The following INPP1 variants were observed in gnomAD, a reference collection of about 807,000 sequenced individuals.
INPP1 encodes the protein inositol polyphosphate 1-phosphatase.
INPP1 carries 18 observed loss-of-function variants against 23.0 expected under a neutral mutation model. The observed-to-expected ratio is 0.78, with a 90% confidence interval of 0.54 to 1.16. INPP1 has a LOEUF of 1.16. Among genes scored for constraint, INPP1 ranks in the 50% most tolerant of loss-of-function variants. INPP1 has a pLI of 0.00. For missense variants in INPP1, 448 were observed against 482.1 expected, an observed-to-expected ratio of 0.93 and a Z score of 0.66; for synonymous variants, 164 against 176.3, an observed-to-expected ratio of 0.93 and a Z score of 0.55.
intron 1 of INPP1, among the ~76,000 whole-genome samples, chr2:190,348,635 A>G (rs564250895): frequency 3.7e-4 from 57 of 152,344 alleles, no homozygotes; most frequent in Non-Finnish European, 6.9e-4. Context: ...GTGGAATCAT[A>G]GAGTATTTGT....
intron 2 of INPP1, among the ~76,000 whole-genome samples, chr2:190,351,679 T>G (rs1408085715): frequency 6.6e-6 from 1 of 152,258 alleles, no homozygotes; most frequent in African/African-American, 2.4e-5. Flanking sequence ...AGCATTTCAT[T>G]ACATGAATAT....
intron 2 of INPP1, chr2:190,359,761 T>G: frequency 3.5e-6 from 1 of 288,620 alleles, no homozygotes; most frequent in Non-Finnish European, 6.7e-6. Flanking sequence ...CCTGTCTCTC[T>G]AGGGATTTAG....
Position 190,368,877 on chromosome 2 carries a change from A to G in INPP1, c.467-226A>G, listed in dbSNP as rs1689740333. On this transcript the variant is annotated intron_variant, in intron 5 of 6. Transcript: ENST00000392329. The surrounding 1 kb of genome is among the most constrained non-coding windows in gnomAD (Gnocchi z 4.3). ...TGTTATATACAAATTGCTATGCCAC[A>G]GGAACTATAGACACATCCTCTCCCT... 2 of 345,038 alleles carry G rather than the reference A, an allele frequency of 5.8e-6. No homozygotes were observed. The highest frequency in any genetic ancestry group is 2.1e-5 in the African/African-American group (1 of 47,528). The allele number at this position is 345,038 out of a possible 1,614,324, so 21.4% of individuals were successfully genotyped here. A position where few individuals can be genotyped will look rare whatever the true frequency, so the allele number is the denominator to read the frequency against.
chr2:190,356,043 C>T lies in INPP1; in HGVS notation c.-64-3996C>T, dbSNP rs377193419. 1.3e-5 allele frequency among the ~76,000 whole-genome samples: 2 copies of T among 152,294 alleles called. No homozygotes were observed. The highest frequency in any genetic ancestry group is 2.1e-4 in the South Asian group (1 of 4,828). ...CTGCATTAGATGTAGCCTTCAGTTT[C>T]TCCATAGACAAATTATTTCAAGTTG... On this transcript the variant is annotated intron_variant, in intron 2 of 6. Transcript: ENST00000392329. This position sits in a 1 kb window ranked among gnomAD's most constrained non-coding sequence, Gnocchi z 6.4.
intron 4 of INPP1, 71 bp from the exon 5 acceptor site, chr2:190,366,624 G>GCT (rs1405909110): frequency 7.4e-5 from 79 of 1,062,028 alleles, no homozygotes; most frequent in Admixed American, 2.6e-4. Context: ...TCACTCTTTA[G>GCT]CTCTCTCTCT....
intron 6 of INPP1, among the ~76,000 whole-genome samples, chr2:190,370,102 G>C (rs1333338203): frequency 6.6e-6 from 1 of 152,112 alleles, no homozygotes; most frequent in Admixed American, 6.6e-5. Flanking sequence ...AAATTAAAAA[G>C]AATTGGAACA....
At position 190,369,114 on chromosome 2, in the gene INPP1, C is replaced by A; in HGVS notation, c.478C>A (p.Gln160Lys). The A allele has an allele frequency of 6.4e-7, 1 of 1,568,234 alleles. No individual in the cohort carries two copies. Among genetic ancestry groups the A allele is most frequent in the South Asian group, 1.2e-5 (1 of 83,860 alleles). Residue 160 changes from glutamine (Q) to lysine (K), a missense_variant, in exon 6 of 7, where the codon CAG becomes AAG. Gln to Lys is a moderately conservative substitution (Grantham distance 53). Transcript: ENST00000392329. ...IWVDPIDSTY[Q>K]YIKGSADIKS... Reference sequence around the variant, plus strand: ...GTTTCCTTTTTCAGATTCAACTTATCAGTATATAAAAGGTTCTGCTGACAT... The same window carrying A: ...GTTTCCTTTTTCAGATTCAACTTATAAGTATATAAAAGGTTCTGCTGACAT...
In INPP1 at chr2:190,367,785, C is replaced by T. The variant is rs1207958087; in HGVS notation, c.466+890C>T. Reference sequence around the variant, plus strand: ...TTTACCATGTTTCCCAGGCTGGTCTCGAACTCCTGGGTTCAAGCGATCTGC... The same window carrying T: ...TTTACCATGTTTCCCAGGCTGGTCTTGAACTCCTGGGTTCAAGCGATCTGC... On this transcript the variant is annotated intron_variant, in intron 5 of 6. Coordinates refer to ENST00000392329, the MANE Select transcript of INPP1 (RefSeq NM_001128928.2). The surrounding 1 kb of genome is among the most constrained non-coding windows in gnomAD (Gnocchi z 4.1). Among the ~76,000 whole-genome samples, 3 of 152,120 alleles carry T rather than the reference C, an allele frequency of 2.0e-5. No homozygotes were observed. Among genetic ancestry groups the T allele is most frequent in the East Asian group, 1.9e-4 (1 of 5,188 alleles).
intron 6 of INPP1, 91 bp from the exon 7 acceptor site, chr2:190,370,753 T>A: frequency 1.2e-6 from 1 of 843,178 alleles, no homozygotes; most frequent in Non-Finnish European, 1.9e-6. Flanking sequence ...TGATGAATTG[T>A]GTATTTCTTC....
In INPP1 at chr2:190,346,081, T is replaced by G. The variant is rs1689209261; in HGVS notation, c.-209+2120T>G. On this transcript the variant is annotated intron_variant, in intron 1 of 6. Coordinates refer to ENST00000392329, the MANE Select transcript of INPP1 (RefSeq NM_001128928.2). The surrounding 1 kb of genome is among the most constrained non-coding windows in gnomAD (Gnocchi z 5.1). ...GATGTTGGGTACTGTTTCTCAAACT[T>G]GTCTGATTGTAAAATTCCTCAGGGT... 6.6e-6 allele frequency among the ~76,000 whole-genome samples: 1 copy of G among 152,250 alleles called. No homozygotes were observed. The highest frequency in any genetic ancestry group is 2.1e-4 in the South Asian group (1 of 4,836).
intron 4 of INPP1, among the ~76,000 whole-genome samples, chr2:190,364,133 T>C (rs776458396): frequency 3.3e-5 from 5 of 152,264 alleles, no homozygotes; most frequent in Admixed American, 6.5e-5. Context: ...TTGAATTAAG[T>C]TAATTTAACT....
chr2:190,357,143 C>A (rs1276089443), intron 2 of INPP1, among the ~76,000 whole-genome samples: 1 of 152,104 alleles, frequency 6.6e-6, no homozygotes, highest in African/African-American at 2.4e-5. Context: ...TAGGCAGGTG[C>A]TTTTGTTTGA....
At position 190,366,763 on chromosome 2, in the gene INPP1, A is replaced by T. The variant is rs1382767120; in HGVS notation, c.334A>T (p.Asn112Tyr). The T allele has an allele frequency of 6.2e-7, 1 of 1,613,642 alleles. No individual in the cohort carries two copies. The highest frequency in any genetic ancestry group is 1.3e-5 in the African/African-American group (1 of 75,034). Residue 112 changes from asparagine (N) to tyrosine (Y), a missense_variant, in exon 5 of 7, where the codon AAT becomes TAT. Transcript: ENST00000392329. ...AGCAGAGCTTCTTAGCAAAGTCCTC[A>T]ATGGTAACAAGGTGGCATCTGAAGC... is the stretch of plus-strand genomic sequence containing the variant. The part of the protein sequence containing the change: ...ETAELLSKVL[N>Y]GNKVASEALA...
At chr2:190,365,867 CTCTCTTGCTCTG>C (rs1325975258) in intron 4 of INPP1, among the ~76,000 whole-genome samples, 5 of 21,736 alleles carry the variant, frequency 2.3e-4, no homozygotes, top group Non-Finnish European at 3.9e-4. Context: ...CGCTCTCTGT[CTCTCTTGCTCTG>C]TCTCTCTCTG....
chr2:190,365,780 ACTCTCTCTCTGTCTCTCTTGCTTG>A (rs1689633284), intron 4 of INPP1, among the ~76,000 whole-genome samples: 1 of 150,844 alleles, frequency 6.6e-6, no homozygotes, highest in Non-Finnish European at 1.5e-5. Context: ...TCACTGGCTC[ACTCTCTCTCTGTCTCTCTTGCTTG>A]CTCTCTCGCT....
intron 4 of INPP1, among the ~76,000 whole-genome samples, chr2:190,365,849 GTC>G (rs1010798769): frequency 4.4e-4 from 40 of 91,308 alleles, no homozygotes; most frequent in Admixed American, 4.0e-3. Context: ...TTCTCTCGCT[GTC>G]TCTCTCGCTC....
At chr2:190,344,562 G>A (rs555746199) in intron 1 of INPP1, among the ~76,000 whole-genome samples, 1 of 152,316 alleles carries the variant, frequency 6.6e-6, no homozygotes, top group South Asian at 2.1e-4. Flanking sequence ...CATTTTGAAA[G>A]GTGGTTTTGT....
intron 2 of INPP1, among the ~76,000 whole-genome samples, chr2:190,358,353 A>G (rs1689465611): frequency 6.6e-6 from 1 of 152,154 alleles, no homozygotes; most frequent in South Asian, 2.1e-4. Flanking sequence ...CTGGGATTAC[A>G]GGCATGAGCC....
At chr2:190,366,275 G>C (rs111209307) in intron 4 of INPP1, among the ~76,000 whole-genome samples, 6 of 133,008 alleles carry the variant, frequency 4.5e-5, no homozygotes, top group Admixed American at 7.3e-5. Context: ...CACTCTTCCT[G>C]TCTCTCTCTC....
Sources: gnomAD v4.1 joint callset for allele counts (sites outside exome capture counted in the v4.1 genomes callset) on GRCh38, gnomAD v4.1.1 for gene constraint, Gnocchi (gnomAD v3.1) non-coding constraint, MANE v1.5 for transcripts, NCBI Gene and HGNC (gene_info 2026-07-23, HGNC 2026-07-21) for gene names.